Variants in MYBPC1 observed in about 807,000 individuals in gnomAD.
MYBPC1 encodes the protein myosin binding protein C1.
A neutral mutation model predicts 147.1 loss-of-function variants in MYBPC1; 52 were observed. That is an observed-to-expected ratio of 0.35 (90% CI 0.28 to 0.45). The LOEUF (loss-of-function observed/expected upper bound fraction) is 0.45. Among genes scored for constraint, MYBPC1 ranks in the 20% least tolerant of loss-of-function variants. The pLI, the probability that MYBPC1 is intolerant of heterozygous loss-of-function variation, is 1.00. For synonymous variants in MYBPC1, 477 were observed against 475.9 expected, an observed-to-expected ratio of 1.00 and a Z score of -0.03; for missense variants, 1,228 against 1,440.3, an observed-to-expected ratio of 0.85 and a Z score of 2.39.
chr12:101,629,628 TCTGG>T, intron 6 of MYBPC1, 84 bp downstream of exon 6: 1 of 828,082 alleles, frequency 1.2e-6, no homozygotes, highest in South Asian at 1.9e-5. Flanking sequence ...ATCCCAGCAC[TCTGG>T]GAGGTCCAGA....
At position 101,682,106 on chromosome 12, in the gene MYBPC1, T is replaced by A. The variant is rs112440809; in HGVS notation, c.3434-498T>A. 3.8e-3 allele frequency among the ~76,000 whole-genome samples: 573 copies of A among 152,256 alleles called. 4 individuals are homozygous for A. Among genetic ancestry groups the A allele is most frequent in the African/African-American group, 0.013 (551 of 41,540 alleles). On this transcript the variant is annotated intron_variant, in intron 29 of 31. Coordinates refer to ENST00000361466, the MANE Select transcript of MYBPC1 (RefSeq NM_002465.4). Reference sequence around the variant, plus strand: ...GCTTTATTGGCTTTAAATGATTAAGTTCATAATTGCAAGTCATCTGGTTTC... The same window carrying A: ...GCTTTATTGGCTTTAAATGATTAAGATCATAATTGCAAGTCATCTGGTTTC...
chr12:101,624,222 T>C (rs1888044356), intron 3 of MYBPC1, among the ~76,000 whole-genome samples: 1 of 152,104 alleles, frequency 6.6e-6, no homozygotes. Context: ...TCTGAAGTAA[T>C]GATATTAATA....
intron 28 of MYBPC1, among the ~76,000 whole-genome samples, chr12:101,679,828 A>G (rs552413982): frequency 6.6e-6 from 1 of 152,310 alleles, no homozygotes; most frequent in Non-Finnish European, 1.5e-5. Context: ...CTCAGCAAAT[A>G]TGCACTCTCT....
chr12:101,672,270 A>G (rs1898900259), intron 24 of MYBPC1, among the ~76,000 whole-genome samples: 1 of 152,158 alleles, frequency 6.6e-6, no homozygotes, highest in African/African-American at 2.4e-5. Context: ...GTGTAGCTCT[A>G]CATCTCTTAT....
chr12:101,605,836 T>C (rs1881930362), intron 1 of MYBPC1, among the ~76,000 whole-genome samples: 1 of 152,096 alleles, frequency 6.6e-6, no homozygotes, highest in African/African-American at 2.4e-5. Flanking sequence ...CCCTCCAGCC[T>C]GGGCAACAAG....
chr12:101,624,223 G>C (rs573590691), intron 3 of MYBPC1, among the ~76,000 whole-genome samples: 2 of 151,924 alleles, frequency 1.3e-5, no homozygotes, highest in South Asian at 4.2e-4. Context: ...CTGAAGTAAT[G>C]ATATTAATAT....
intron 22 of MYBPC1, 145 bp from the exon 23 acceptor site, chr12:101,667,587 C>A: frequency 1.2e-6 from 1 of 866,156 alleles, no homozygotes; most frequent in Non-Finnish European, 1.9e-6. Flanking sequence ...CCCATGTAGT[C>A]GGAGTCCAGA....
chr12:101,644,835 TA>T (rs1565947185), intron 12 of MYBPC1, 39 bp downstream of exon 12: 1 of 1,592,318 alleles, frequency 6.3e-7, no homozygotes, highest in Non-Finnish European at 8.6e-7. Flanking sequence ...AGCTCTACAG[TA>T]AATTAATCAA....
intron 23 of MYBPC1, chr12:101,670,047 C>A: frequency 2.1e-6 from 1 of 485,230 alleles, no homozygotes; most frequent in Admixed American, 3.3e-5. Context: ...AATAAAAATA[C>A]AAAGTTGCAA....
Position 101,680,458 on chromosome 12 carries a change from G to A in MYBPC1, c.3362G>A (p.Gly1121Glu), listed in dbSNP as rs139662521. ...LEIRKPSPYD[G>E]GTYCCKAVND... ...ATTCGCAAGCCCAGCCCCTATGATG[G>A]AGGCACTTACTGCTGCAAAGCAGTC... is the stretch of plus-strand genomic sequence containing the variant. Residue 1121 changes from glycine (G) to glutamate (E), a missense_variant, in exon 29 of 32, where the codon GGA (glycine) becomes GAA (glutamate). By Grantham distance (98) the Gly-to-Glu change is moderately conservative (BLOSUM62 -2). Coordinates refer to ENST00000361466, the MANE Select transcript of MYBPC1 (RefSeq NM_002465.4). The A allele has an allele frequency of 4.5e-5, 72 of 1,614,140 alleles. No individual in the cohort carries two copies. In the Middle Eastern group the frequency reaches 4.9e-4, roughly 11 times the overall value.
chr12:101,652,554 C>A, intron 16 of MYBPC1, 124 bp from the exon 17 acceptor site: 1 of 708,730 alleles, frequency 1.4e-6, no homozygotes, highest in Non-Finnish European at 2.6e-6. Context: ...CTTTCTCTCT[C>A]TCTCTCCCTC....
At chr12:101,599,449 C>T (rs1169566255) in intron 1 of MYBPC1, among the ~76,000 whole-genome samples, 1 of 152,178 alleles carries the variant, frequency 6.6e-6, no homozygotes, top group Non-Finnish European at 1.5e-5. Context: ...TTCATCCCCT[C>T]TTGCCTATTT....
chr12:101,682,512 ATAGG>A, intron 29 of MYBPC1, 88 bp from the exon 30 acceptor site: 1 of 1,176,622 alleles, frequency 8.5e-7, no homozygotes, highest in Non-Finnish European at 1.3e-6. Context: ...TACTCTGATA[ATAGG>A]TAACTTGAAT....
chr12:101,661,214 A>G lies in MYBPC1; in HGVS notation c.1984A>G (p.Ile662Val), dbSNP rs866041314. 6 of 1,613,916 alleles carry G rather than the reference A, an allele frequency of 3.7e-6. No homozygotes were observed. Among genetic ancestry groups the G allele is most frequent in the Middle Eastern group, 1.7e-4 (1 of 5,962 alleles). The change falls in exon 20 of 32, where the codon ATC (isoleucine) becomes GTC (valine). Residue 662 changes from isoleucine (I) to valine (V), a missense_variant. By Grantham distance (29) the Ile-to-Val change is conservative. Around this residue, in one of 2 missense-constraint regions of MYBPC1, gnomAD observed 1,077 missense variants for 1,314.2 expected, o/e 0.82. Coordinates refer to ENST00000361466, the MANE Select transcript of MYBPC1 (RefSeq NM_002465.4). ...TVTEVGDDWC[I>V]MNWEPPAYDG... The stretch of plus-strand genomic sequence containing the variant: ...GACAGAGGTGGGAGATGACTGGTGT[A>G]TCATGAACTGGGAGCCTCCTGCCTA...
At chr12:101,682,709 T>C in intron 30 of MYBPC1, 47 bp downstream of exon 30, 1 of 1,522,848 alleles carries the variant, frequency 6.6e-7, no homozygotes. Flanking sequence ...TCCGTTCCAT[T>C]CCTCTTACAT....
chr12:101,669,719 C>T (rs1898154951), intron 23 of MYBPC1, among the ~76,000 whole-genome samples: 2 of 152,038 alleles, frequency 1.3e-5, no homozygotes, highest in African/African-American at 4.8e-5. Flanking sequence ...GGTGGATCAC[C>T]TGAGGTCACA....
rs114117245 is a variant in MYBPC1, at chr12:101,662,060, C to T, written c.2033-298C>T. Among the ~76,000 whole-genome samples the T allele has an allele frequency of 0.017, 2,517 of 152,008 alleles. 60 individuals carry two copies. The highest frequency in any genetic ancestry group is 0.057 in the African/African-American group (2,376 of 41,446). ...CTGGGACTCAGAGTCAACTACATTG[C>T]CTCTGATTATATTGTTCACCTACAG... On this transcript the variant is annotated intron_variant, in intron 20 of 31. Coordinates refer to ENST00000361466, the MANE Select transcript of MYBPC1 (RefSeq NM_002465.4).
In MYBPC1 at chr12:101,653,118, C is replaced by T. The variant is rs974487952; in HGVS notation, c.1637C>T (p.Pro546Leu). 13 of 1,613,680 alleles carry T rather than the reference C, an allele frequency of 8.1e-6. No homozygotes were observed. Among genetic ancestry groups the T allele is most frequent in the Non-Finnish European group, 1.1e-5 (13 of 1,179,782 alleles). ...AAGACTATGCTTAATATTCTAGATC[C>T]TCCTAAGATCATCCTGGATGGTCTT... ...TLPAKVHVID[P>L]PKIILDGLDA... Residue 546 changes from proline to leucine, a missense_variant, in exon 18 of 32, where the codon CCT becomes CTT. This residue lies in a region of MYBPC1 where 1,077 missense variants were observed against 1,314.2 expected (regional missense o/e 0.82). Transcript: ENST00000361466.
At chr12:101,599,451 T>C (rs1878910746) in intron 1 of MYBPC1, among the ~76,000 whole-genome samples, 1 of 152,198 alleles carries the variant, frequency 6.6e-6, no homozygotes, top group African/African-American at 2.4e-5. Context: ...CATCCCCTCT[T>C]GCCTATTTCT....
Sources: allele counts gnomAD v4.1 joint callset (sites outside exome capture counted in the v4.1 genomes callset), GRCh38; gene constraint gnomAD v4.1.1; regional missense constraint gnomAD v4.1.1; transcripts MANE v1.5; gene names NCBI Gene and HGNC (gene_info 2026-07-23, HGNC 2026-07-21).